ENPP7: variants seen among roughly 807,000 people sequenced by gnomAD.
The protein encoded by ENPP7 is ectonucleotide pyrophosphatase/phosphodiesterase family member 7.
ENPP7 carries 39 observed loss-of-function variants against 33.6 expected under a neutral mutation model. The observed-to-expected ratio is 1.16, with a 90% CI of 0.90 to 1.52. The LOEUF is 1.52. ENPP7 is among the 40% of genes most tolerant of loss of function. The pLI is 0.00. For missense variants in ENPP7, 594 were observed against 641.0 expected (o/e 0.93, Z 0.79); for synonymous variants, 244 against 274.3 (o/e 0.89, Z 1.09).
At position 79,738,111 on chromosome 17, in the gene ENPP7, AC is replaced by A. The variant is rs2094299390; in HGVS notation, c.*16+52del. On this transcript the variant is annotated intron_variant, in intron 5 of 5. Transcript: ENST00000328313. This position sits in a 1 kb window ranked among gnomAD's most constrained non-coding sequence, Gnocchi z 6.2. ...CGGGAGGGTGGCCCCACGCTCCCTGACCCTCCACCCTGATGTCCCAGCTACA... is the reference window on the plus strand; with the variant it reads ...CGGGAGGGTGGCCCCACGCTCCCTGACCTCCACCCTGATGTCCCAGCTACA... 1 of 1,573,270 alleles carries A rather than the reference AC, an allele frequency of 6.4e-7. No homozygotes were observed. Among genetic ancestry groups the A allele is most frequent in the Non-Finnish European group, 8.6e-7 (1 of 1,159,672 alleles).
In ENPP7 at chr17:79,735,728, C is replaced by CTT. The variant is rs1289559689; in HGVS notation, c.1026+71_1026+72dup. 6.1e-4 allele frequency: 754 copies of CTT among 1,240,648 alleles called. No individual in the cohort carries two copies. The highest frequency in any genetic ancestry group is 1.6e-3 in the African/African-American group (103 of 64,544). 76.9% of individuals were successfully genotyped at this position (1,240,648 alleles called of 1,614,324 possible). A position where few individuals can be genotyped will look rare whatever the true frequency, so the allele number is the denominator to read the frequency against. ...GCTCCCTCCCCAGGCTCTGGGTCTTCTTTTTTTTTTTTTGAGACCAGGGTC... is the reference window on the plus strand; with the variant it reads ...GCTCCCTCCCCAGGCTCTGGGTCTTCTTTTTTTTTTTTTTTGAGACCAGGGTC... On this transcript the variant is annotated intron_variant, in intron 3 of 5. Transcript: ENST00000328313. The surrounding 1 kb of genome is among the most constrained non-coding windows in gnomAD (Gnocchi z 5.5).
intron 5 of ENPP7, among the ~76,000 whole-genome samples, chr17:79,741,317 T>G (rs1267268093): frequency 1.3e-5 from 2 of 152,186 alleles, no homozygotes; most frequent in African/African-American, 4.8e-5. Flanking sequence ...CCTCTGAAGC[T>G]AGTGTTGAAA....
rs535129115 is a variant in ENPP7, at chr17:79,742,143, C to G, written c.*366C>G. On this transcript the variant is annotated 3_prime_UTR_variant, in exon 6 of 6. Coordinates refer to ENST00000328313, the MANE Select transcript of ENPP7 (RefSeq NM_178543.5). ...CTCTGCGGGCGCTGGAACCTGCAGA[C>G]CCGGCCTCGGTCAGCTGGGAGGGGC... 8.3e-4 allele frequency: 138 copies of G among 167,030 alleles called. No homozygotes were observed. The highest frequency in any genetic ancestry group is 3.2e-3 in the African/African-American group (133 of 41,798). 10.3% of individuals were successfully genotyped at this position (167,030 alleles called of 1,614,324 possible). A position where few individuals can be genotyped will look rare whatever the true frequency, so the allele number is the denominator to read the frequency against.
rs199914393 is a variant in ENPP7 at position 79,738,096 on chromosome 17, G to A, written c.*16+34G>A. 15 of 1,593,712 alleles carry A rather than the reference G, an allele frequency of 9.4e-6. No homozygotes were observed. In the East Asian group the frequency reaches 3.1e-4, roughly 33 times the overall value. On this transcript the variant is annotated intron_variant, in intron 5 of 5. Transcript: ENST00000328313. The surrounding 1 kb of genome is among the most constrained non-coding windows in gnomAD (Gnocchi z 6.2). Reference sequence around the variant, plus strand: ...CCCAGAAGGCAGAGGCGGGAGGGTGGCCCCACGCTCCCTGACCCTCCACCC... The same window carrying A: ...CCCAGAAGGCAGAGGCGGGAGGGTGACCCCACGCTCCCTGACCCTCCACCC...
Position 79,738,120 on chromosome 17 carries a change from C to T in ENPP7, c.*16+58C>T. 1 of 1,550,702 alleles carries T rather than the reference C, an allele frequency of 6.4e-7. No individual in the cohort carries two copies. The highest frequency in any genetic ancestry group is 1.4e-5 in the African/African-American group (1 of 74,038). Reference sequence around the variant, plus strand: ...GGCCCCACGCTCCCTGACCCTCCACCCTGATGTCCCAGCTACAGTCCTAGG... The same window carrying T: ...GGCCCCACGCTCCCTGACCCTCCACTCTGATGTCCCAGCTACAGTCCTAGG... On this transcript the variant is annotated intron_variant, in intron 5 of 5. Transcript: ENST00000328313. This position sits in a 1 kb window ranked among gnomAD's most constrained non-coding sequence, Gnocchi z 6.2.
Position 79,737,645 on chromosome 17 carries a change from C to A in ENPP7, c.1247-271C>A, listed in dbSNP as rs1284390361. Among the ~76,000 whole-genome samples, 5 of 152,330 alleles carry A rather than the reference C, an allele frequency of 3.3e-5. No homozygotes were observed. The East Asian group carries it at 9.7e-4, about 29-fold the overall frequency. On this transcript the variant is annotated intron_variant, in intron 4 of 5. Coordinates refer to ENST00000328313, the MANE Select transcript of ENPP7 (RefSeq NM_178543.5). This position sits in a 1 kb window ranked among gnomAD's most constrained non-coding sequence, Gnocchi z 5.5. ...CCTGTATCAGCCTCCCACACACACA[C>A]CTCCCCACTGGAACCTGCCCCATCT...
rs1555822466 is a variant in ENPP7 at position 79,731,323 on chromosome 17, G to A, written c.184G>A (p.Val62Met). ...CCTGGACGCCATGGCCCGAGACGGG[G>A]TGAAGGCACGCTACATGACCCCCGC... ...PNLDAMARDG[V>M]KARYMTPAFV... Residue 62 changes from valine (V) to methionine (M), a missense_variant, in exon 1 of 6, where the codon GTG becomes ATG. By Grantham distance (21) the Val-to-Met change is conservative. Coordinates refer to ENST00000328313, the MANE Select transcript of ENPP7 (RefSeq NM_178543.5). The A allele has an allele frequency of 6.2e-6, 10 of 1,613,840 alleles. No individual in the cohort carries two copies. The highest frequency in any genetic ancestry group is 8.5e-6 in the Non-Finnish European group (10 of 1,179,928).
chr17:79,731,220 G>A lies in ENPP7; in HGVS notation c.81G>A (p.Gln27=). 1 of 1,612,774 alleles carries A rather than the reference G, an allele frequency of 6.2e-7. No homozygotes were observed. Among genetic ancestry groups the A allele is most frequent in the South Asian group, 1.1e-5 (1 of 91,020 alleles). ...GGGCCGGAGCACCGGTACAAAGTCA[G>A]GGCTCCCAGAACAAGCTGCTCCTGG... The part of the protein sequence containing the change: ...APGAGAPVQS[Q]GSQNKLLLVS... The change falls in exon 1 of 6, where the codon CAG becomes CAA. Residue 27 remains glutamine, a synonymous_variant. Coordinates refer to ENST00000328313, the MANE Select transcript of ENPP7 (RefSeq NM_178543.5).
At position 79,733,796 on chromosome 17, in the gene ENPP7, G is replaced by T. The variant is rs2094290458; in HGVS notation, c.399+143G>T. On this transcript the variant is annotated intron_variant, in intron 2 of 5. Transcript: ENST00000328313. ...CTCCTGGCCTACCCTGGCACAGAAG[G>T]GTGTGAAGTAGGGCCCCAAAAGGGG... The T allele has an allele frequency of 7.7e-6, 7 of 911,824 alleles. 1 individual carries two copies. Among genetic ancestry groups the T allele is most frequent in the Non-Finnish European group, 1.1e-5 (7 of 617,192 alleles). The allele number at this position is 911,824 out of a possible 1,614,324, so 56.5% of individuals were successfully genotyped here. A position where few individuals can be genotyped will look rare whatever the true frequency, so the allele number is the denominator to read the frequency against.
chr17:79,736,407 G>A (rs781987116), intron 3 of ENPP7, among the ~76,000 whole-genome samples: 3 of 152,226 alleles, frequency 2.0e-5, no homozygotes, highest in Non-Finnish European at 2.9e-5. Flanking sequence ...TGTCAGCACC[G>A]AAGGGACACT....
Position 79,735,584 on chromosome 17 carries a change from C to A in ENPP7, c.941C>A (p.Ala314Glu). The A allele has an allele frequency of 1.2e-6, 2 of 1,613,830 alleles. No individual in the cohort carries two copies. The highest frequency in any genetic ancestry group is 1.7e-6 in the Non-Finnish European group (2 of 1,180,006). The change falls in exon 3 of 6, where the codon GCG becomes GAG. Residue 314 changes from alanine (A) to glutamate (E), a missense_variant. Coordinates refer to ENST00000328313, the MANE Select transcript of ENPP7 (RefSeq NM_178543.5). This position sits in a 1 kb window ranked among gnomAD's most constrained non-coding sequence, Gnocchi z 5.5. ...HPKLHVYKKE[A>E]FPEAFHYANN... is the part of the protein sequence containing the mutation. ...AAGCTCCACGTCTACAAGAAGGAGG[C>A]GTTCCCCGAGGCCTTCCACTACGCC...
At chr17:79,732,149 T>TATATACAC (rs1171801654) in intron 1 of ENPP7, among the ~76,000 whole-genome samples, 74 of 34,146 alleles carry the variant, frequency 2.2e-3, no homozygotes, top group African/African-American at 7.1e-3. Context: ...TATATATATA[T>TATATACAC]ACACACACAT....
intron 3 of ENPP7, among the ~76,000 whole-genome samples, chr17:79,736,594 T>A (rs954867998): frequency 2.0e-5 from 3 of 148,044 alleles, no homozygotes; most frequent in Non-Finnish European, 4.5e-5. Flanking sequence ...GTGTCCAGGG[T>A]AAAGTGTAGA....
intron 1 of ENPP7, 35 bp from the exon 2 acceptor site, chr17:79,733,473 C>A: frequency 6.2e-7 from 1 of 1,603,578 alleles, no homozygotes; most frequent in Non-Finnish European, 8.5e-7. Context: ...GACCCCGGTC[C>A]ATCCCGCCGC....
rs1355127957 is a variant in ENPP7 at position 79,737,670 on chromosome 17, T to C, written c.1247-246T>C. On this transcript the variant is annotated intron_variant, in intron 4 of 5. Transcript: ENST00000328313. This position sits in a 1 kb window ranked among gnomAD's most constrained non-coding sequence, Gnocchi z 5.5. ...CCTCCCCACTGGAACCTGCCCCATCTTGGGGACAAAGGCCACCTGGAAACT... is the reference window on the plus strand; with the variant it reads ...CCTCCCCACTGGAACCTGCCCCATCCTGGGGACAAAGGCCACCTGGAAACT... Among the ~76,000 whole-genome samples the C allele has an allele frequency of 1.3e-5, 2 of 152,190 alleles. No individual in the cohort carries two copies. Among genetic ancestry groups the C allele is most frequent in the Non-Finnish European group, 2.9e-5 (2 of 68,028 alleles).
At chr17:79,734,957 C>A in intron 2 of ENPP7, 86 bp from the exon 3 acceptor site, 1 of 1,410,336 alleles carries the variant, frequency 7.1e-7, no homozygotes, top group Non-Finnish European at 9.7e-7. Flanking sequence ...GAGAAGTAGG[C>A]ACGTGGGGGA....
intron 5 of ENPP7, 65 bp from the exon 6 acceptor site, chr17:79,741,729 C>G: frequency 2.1e-6 from 2 of 937,810 alleles, no homozygotes; most frequent in African/African-American, 3.6e-5. Context: ...CCTGTCCCAC[C>G]AGACCTGCCC....
rs535400192 is a variant in ENPP7, at chr17:79,731,372, G to C, written c.233G>C (p.Cys78Ser). 9.0e-5 allele frequency: 145 copies of C among 1,612,132 alleles called. No individual in the cohort carries two copies. In the Admixed American group the frequency reaches 2.4e-3, roughly 27 times the overall value. The change falls in exon 1 of 6, where the codon TGC becomes TCC. Residue 78 changes from cysteine to serine, a missense_variant. By Grantham distance (112) the Cys-to-Ser change is moderately radical. Transcript: ENST00000328313. The part of the protein sequence containing the change: ...TPAFVTMTSP[C>S]HFTLVTGKYI... ...GCCTTTGTCACCATGACCAGCCCCT[G>C]CCACTTCACCCTGGTCACCGGTGAG...
chr17:79,731,471 TA>T, intron 1 of ENPP7, 79 bp downstream of exon 1: 1 of 1,492,032 alleles, frequency 6.7e-7, no homozygotes. Flanking sequence ...TCGTGCAGGA[TA>T]AAGGGGAGAG....
Sources: gnomAD v4.1 joint callset for allele counts (sites outside exome capture counted in the v4.1 genomes callset) on GRCh38, gnomAD v4.1.1 for gene constraint, Gnocchi (gnomAD v3.1) non-coding constraint, MANE v1.5 for transcripts, NCBI Gene and HGNC (gene_info 2026-07-23, HGNC 2026-07-21) for gene names.